Variants in PRDM16 observed in about 807,000 individuals in gnomAD.
The protein encoded by PRDM16 is histone-lysine N-methyltransferase PRDM16.
PRDM16 carries 23 observed loss-of-function variants against 110.6 expected under a neutral mutation model. The ratio of observed to expected loss-of-function variants is 0.21; its 90% CI spans 0.15 to 0.29. PRDM16 has a LOEUF of 0.29. Ranked by LOEUF, PRDM16 falls within the 10% of genes least tolerant of loss-of-function variation. The pLI, the probability that PRDM16 is intolerant of heterozygous loss-of-function variation, is 1.00. For synonymous variants in PRDM16, 799 were observed against 781.8 expected, an observed-to-expected ratio of 1.02 and a Z score of -0.37; for missense variants, 1,615 against 1,794.3, an observed-to-expected ratio of 0.90 and a Z score of 1.81.
chr1:3,428,081 G>T (rs1019073752), intron 14 of PRDM16, among the ~76,000 whole-genome samples: 1 of 152,208 alleles, frequency 6.6e-6, no homozygotes, highest in Non-Finnish European at 1.5e-5. Flanking sequence ...CATCCTTGCC[G>T]GGGTGGGCCC....
intron 3 of PRDM16, among the ~76,000 whole-genome samples, chr1:3,287,953 G>A (rs1184052006): frequency 3.3e-5 from 5 of 152,234 alleles, no homozygotes; most frequent in Admixed American, 6.5e-5. Flanking sequence ...CTGCATGGCC[G>A]CATTTCACAG....
rs554432563 is a variant in PRDM16 at position 3,291,075 on chromosome 1, C to T, written c.438+46938C>T. 3.3e-5 allele frequency among the ~76,000 whole-genome samples: 5 copies of T among 152,106 alleles called. No homozygotes were observed. The South Asian group carries it at 6.2e-4, about 19-fold the overall frequency. On this transcript the variant is annotated intron_variant, in intron 3 of 16. Coordinates refer to ENST00000270722, the MANE Select transcript of PRDM16 (RefSeq NM_022114.4). ...TCGCCCAGGCAGCACCGGCCCCACC[C>T]GCTTCCGGAATCCTTGGAGACACGA...
In PRDM16 at chr1:3,120,890, T is replaced by G. The variant is rs543633892; in HGVS notation, c.37+51594T>G. Reference sequence around the variant, plus strand: ...CAGGGATTTGCAGAGACTTGTTCTCTCCGGGATCTGCCATTCCAGGGGCTC... The same window carrying G: ...CAGGGATTTGCAGAGACTTGTTCTCGCCGGGATCTGCCATTCCAGGGGCTC... On this transcript the variant is annotated intron_variant, in intron 1 of 16. Coordinates refer to ENST00000270722, the MANE Select transcript of PRDM16 (RefSeq NM_022114.4). Among the ~76,000 whole-genome samples the G allele has an allele frequency of 2.0e-5, 3 of 152,318 alleles. No individual in the cohort carries two copies. In the South Asian group the frequency reaches 6.2e-4, roughly 32 times the overall value.
At chr1:3,340,984 G>A (rs935480313) in intron 3 of PRDM16, among the ~76,000 whole-genome samples, 8 of 152,146 alleles carry the variant, frequency 5.3e-5, no homozygotes, top group South Asian at 2.1e-4. Flanking sequence ...ACCTTCCCTC[G>A]GGCTGTGTGG....
intron 3 of PRDM16, among the ~76,000 whole-genome samples, chr1:3,325,313 G>A (rs1557609843): frequency 6.6e-6 from 1 of 152,210 alleles, no homozygotes; most frequent in Non-Finnish European, 1.5e-5. Flanking sequence ...CGGCCCCAGG[G>A]TACGCACAGC....
At chr1:3,219,019 C>T (rs907287735) in intron 2 of PRDM16, among the ~76,000 whole-genome samples, 6 of 152,338 alleles carry the variant, frequency 3.9e-5, no homozygotes, top group East Asian at 1.9e-4. Flanking sequence ...CGTCCAGTGC[C>T]GGGCTGAGCG....
intron 1 of PRDM16, among the ~76,000 whole-genome samples, chr1:3,141,347 G>A (rs1400789571): frequency 6.6e-6 from 1 of 152,178 alleles, no homozygotes; most frequent in Non-Finnish European, 1.5e-5. Context: ...TATGACTGGT[G>A]CCTGCAATTT....
chr1:3,146,560 T>C (rs1643660096), intron 1 of PRDM16, among the ~76,000 whole-genome samples: 2 of 146,416 alleles, frequency 1.4e-5, no homozygotes, highest in Admixed American at 1.4e-4. Context: ...GTGGGGTGTG[T>C]ACACATGTGT....
intron 3 of PRDM16, among the ~76,000 whole-genome samples, chr1:3,356,177 G>C (rs898350237): frequency 6.6e-6 from 1 of 152,196 alleles, no homozygotes; most frequent in Admixed American, 6.5e-5. Flanking sequence ...ACGTCCTTTC[G>C]CACACCAGCA....
chr1:3,100,451 G>A (rs918990082), intron 1 of PRDM16, among the ~76,000 whole-genome samples: 4 of 152,146 alleles, frequency 2.6e-5, no homozygotes, highest in Non-Finnish European at 5.9e-5. Flanking sequence ...AGGACATGAT[G>A]GCTGGGGTGT....
At chr1:3,400,927 C>CA in intron 5 of PRDM16, among the ~76,000 whole-genome samples, 1 of 152,300 alleles carries the variant, frequency 6.6e-6, no homozygotes, top group East Asian at 1.9e-4. Flanking sequence ...AAGACGGCAC[C>CA]AAAAATCACA....
chr1:3,335,454 G>A lies in PRDM16; in HGVS notation c.439-49698G>A, dbSNP rs775551588. 1.1e-4 allele frequency among the ~76,000 whole-genome samples: 16 copies of A among 152,302 alleles called. No individual in the cohort carries two copies. The Middle Eastern group carries it at 0.014, about 130-fold the overall frequency. ...GTCCTTAGCCCGGTCGCGTTAGCAC[G>A]TCGCATGTCCGAAAGCGTGCTCAAC... On this transcript the variant is annotated intron_variant, in intron 3 of 16. Coordinates refer to ENST00000270722, the MANE Select transcript of PRDM16 (RefSeq NM_022114.4).
Position 3,433,994 on chromosome 1 carries a change from C to T in PRDM16, c.*183C>T. 1 of 626,750 alleles carries T rather than the reference C, an allele frequency of 1.6e-6. No individual in the cohort carries two copies. The highest frequency in any genetic ancestry group is 1.8e-5 in the African/African-American group (1 of 54,304). The allele number at this position is 626,750 out of a possible 1,614,324, so 38.8% of individuals were successfully genotyped here. Reference sequence around the variant, plus strand: ...AGATCCCAAAAGTCCCTAAAGCAGTCGTAGAGTCTCACCATCTCCAAGGAT... The same window carrying T: ...AGATCCCAAAAGTCCCTAAAGCAGTTGTAGAGTCTCACCATCTCCAAGGAT... On this transcript the variant is annotated 3_prime_UTR_variant, in exon 17 of 17. Coordinates refer to ENST00000270722, the MANE Select transcript of PRDM16 (RefSeq NM_022114.4).
intron 4 of PRDM16, chr1:3,394,560 C>T (rs780198627): frequency 2.5e-6 from 1 of 401,630 alleles, no homozygotes; most frequent in Non-Finnish European, 5.1e-6. Context: ...TCCACATTGC[C>T]CTCTAACGGG....
At chr1:3,318,028 G>A (rs1054891486) in intron 3 of PRDM16, among the ~76,000 whole-genome samples, 8 of 152,182 alleles carry the variant, frequency 5.3e-5, no homozygotes, top group African/African-American at 1.9e-4. Flanking sequence ...AGCCACCCAC[G>A]GCGGCTCCGA....
intron 2 of PRDM16, among the ~76,000 whole-genome samples, chr1:3,230,840 A>G (rs1211417949): frequency 1.3e-5 from 2 of 152,144 alleles, no homozygotes; most frequent in African/African-American, 4.8e-5. Flanking sequence ...CGAAGTGACA[A>G]CCTTATGGTA....
chr1:3,133,993 C>T (rs1319401555), intron 1 of PRDM16, among the ~76,000 whole-genome samples: 1 of 152,190 alleles, frequency 6.6e-6, no homozygotes, highest in Non-Finnish European at 1.5e-5. Context: ...TACTTTCCTC[C>T]CCCAAGACTG....
intron 3 of PRDM16, among the ~76,000 whole-genome samples, chr1:3,364,819 G>A (rs909497860): frequency 6.6e-6 from 1 of 152,242 alleles, no homozygotes; most frequent in African/African-American, 2.4e-5. Context: ...GCCCCGAGCA[G>A]GACACGTTGC....
chr1:3,187,419 G>C (rs573262368), intron 2 of PRDM16, among the ~76,000 whole-genome samples: 19 of 152,306 alleles, frequency 1.2e-4, no homozygotes, highest in African/African-American at 4.6e-4. Flanking sequence ...CAGGGAAGAG[G>C]ATCCCCAGAC....
Sources: gnomAD v4.1 joint callset for allele counts (sites outside exome capture counted in the v4.1 genomes callset) on GRCh38, gnomAD v4.1.1 for gene constraint, MANE v1.5 for transcripts, NCBI Gene and HGNC (gene_info 2026-07-23, HGNC 2026-07-21) for gene names.